Variants in ANKRD54 observed in about 807,000 individuals in gnomAD.
The protein encoded by ANKRD54 is ankyrin repeat domain 54.
Under a neutral mutation model 36.2 loss-of-function variants are expected in ANKRD54, and 26 were observed. The ratio of observed to expected loss-of-function variants is 0.72; its 90% confidence interval spans 0.53 to 1.00. The LOEUF is 1.00. Among genes scored for constraint, ANKRD54 ranks in the 50% least tolerant of loss-of-function variants. ANKRD54 has a pLI of 0.00. For missense variants in ANKRD54, 384 were observed against 424.3 expected (o/e 0.91, Z 0.83); for synonymous variants, 209 against 188.4 (o/e 1.11, Z -0.89).
At position 37,833,016 on chromosome 22, in the gene ANKRD54, T is replaced by G; in HGVS notation, c.662A>C (p.Asn221Thr). The change falls in exon 6 of 8, where the codon AAT becomes ACT. Residue 221 changes from asparagine to threonine, a missense_variant. By Grantham distance (65) the Asn-to-Thr change is moderately conservative. Around this residue, in one of 3 missense-constraint regions of ANKRD54, gnomAD observed 179 missense variants for 224.0 expected, o/e 0.80. Transcript: ENST00000215941. ...CTGGGCATGGCCCTCCTGCAGGATA[T>G]TCAGCTTTGACTTGGCCAGGTGCAG... ...TPLHLAKSKL[N>T]ILQEGHAQCL... The G allele has an allele frequency of 6.2e-7, 1 of 1,614,166 alleles. No individual in the cohort carries two copies. Among genetic ancestry groups the G allele is most frequent in the Non-Finnish European group, 8.5e-7 (1 of 1,180,040 alleles).
intron 3 of ANKRD54, among the ~76,000 whole-genome samples, chr22:37,836,114 G>T (rs920748863): frequency 6.6e-6 from 1 of 150,674 alleles, no homozygotes; most frequent in South Asian, 2.1e-4. Flanking sequence ...GATTACAGGC[G>T]TGAGATACCG....
intron 7 of ANKRD54, among the ~76,000 whole-genome samples, chr22:37,832,336 GTTT>G (rs112298885): frequency 6.8e-6 from 1 of 146,744 alleles, no homozygotes; most frequent in African/African-American, 2.5e-5. Flanking sequence ...CCTTGCTCTG[GTTT>G]TTTTTTTTGT....
chr22:37,838,086 G>C (rs1232495738), intron 3 of ANKRD54, among the ~76,000 whole-genome samples: 1 of 151,780 alleles, frequency 6.6e-6, no homozygotes, highest in Non-Finnish European at 1.5e-5. Context: ...AGTGAACCGA[G>C]ATGGCACCAC....
chr22:37,832,049 A>T (rs1478796934), intron 7 of ANKRD54, 32 bp from the exon 8 acceptor site: 2 of 1,597,550 alleles, frequency 1.3e-6, no homozygotes, highest in Non-Finnish European at 1.7e-6. Context: ...CTGTTATGGG[A>T]CACGGGGTGT....
intron 3 of ANKRD54, 151 bp from the exon 4 acceptor site, chr22:37,833,906 C>CACTT (rs1185226139): frequency 1.3e-5 from 9 of 677,246 alleles, no homozygotes; most frequent in Admixed American, 4.7e-5. Context: ...CTCACTCACT[C>CACTT]ACTTACTTAC....
In ANKRD54 at chr22:37,844,110, C is replaced by A. The variant is rs577258650; in HGVS notation, c.129G>T (p.Gly43=). The part of the protein sequence containing the change: ...AEGLFSFADF[G]SALGGGGAGL... ...CCGCGCCGCCGCCGCCCAGCGCAGA[C>A]CCGAAGTCAGCGAAGGAGAAGAGGC... Residue 43 remains glycine, a synonymous_variant, in exon 1 of 8, where the codon GGG becomes GGT. Coordinates refer to ENST00000215941, the MANE Select transcript of ANKRD54 (RefSeq NM_138797.4). 111 of 1,487,834 alleles carry A rather than the reference C, an allele frequency of 7.5e-5. No individual in the cohort carries two copies. In the South Asian group the frequency reaches 1.3e-3, roughly 18 times the overall value. The allele number at this position is 1,487,834 out of a possible 1,614,324, so 92.2% of individuals were successfully genotyped here. A position where few individuals can be genotyped will look rare whatever the true frequency, so the allele number is the denominator to read the frequency against.
At chr22:37,835,952 G>A (rs1019406422) in intron 3 of ANKRD54, among the ~76,000 whole-genome samples, 1 of 151,936 alleles carries the variant, frequency 6.6e-6, no homozygotes, top group African/African-American at 2.4e-5. Context: ...CCATTCTCCT[G>A]CCTCAGCGAG....
Position 37,844,333 on chromosome 22 carries a change from C to T in ANKRD54, c.-95G>A, listed in dbSNP as rs756196998. The stretch of plus-strand genomic sequence containing the variant: ...CGCCCTGAGTCGTGCTGTCAGCGAG[C>T]TGGCGGGCGGGCAGGGCCCGCAACC... On this transcript the variant is annotated 5_prime_UTR_variant, in exon 1 of 8. Coordinates refer to ENST00000215941, the MANE Select transcript of ANKRD54 (RefSeq NM_138797.4). 1.4e-5 allele frequency: 20 copies of T among 1,411,702 alleles called. No homozygotes were observed. The highest frequency in any genetic ancestry group is 9.0e-5 in the African/African-American group (6 of 66,400). 87.4% of individuals were successfully genotyped at this position (1,411,702 alleles called of 1,614,324 possible).
At chr22:37,840,415 C>T (rs567602767) in intron 1 of ANKRD54, among the ~76,000 whole-genome samples, 181 bp from the exon 2 acceptor site, 3 of 152,048 alleles carry the variant, frequency 2.0e-5, no homozygotes, top group South Asian at 4.2e-4. Context: ...AAAAATTAGC[C>T]GGGCGTGGTG....
chr22:37,834,890 C>T (rs1001003658), intron 3 of ANKRD54, among the ~76,000 whole-genome samples: 1 of 149,564 alleles, frequency 6.7e-6, no homozygotes. Flanking sequence ...TTGAAACTGT[C>T]TGTACTAAAA....
intron 4 of ANKRD54, among the ~76,000 whole-genome samples, 155 bp from the exon 5 acceptor site, chr22:37,833,361 A>T (rs114771665): frequency 0.044 from 6,646 of 152,212 alleles, 476 homozygotes; most frequent in African/African-American, 0.15. Flanking sequence ...AGGACTCAGA[A>T]GTCAAGTTCA....
intron 3 of ANKRD54, among the ~76,000 whole-genome samples, chr22:37,836,974 A>T (rs1484923754): frequency 6.6e-6 from 1 of 151,038 alleles, no homozygotes; most frequent in East Asian, 1.9e-4. Flanking sequence ...GGTTGCAATG[A>T]GCCGAGATCA....
intron 5 of ANKRD54, 24 bp from the exon 6 acceptor site, chr22:37,833,106 C>T: frequency 1.9e-6 from 3 of 1,614,002 alleles, no homozygotes; most frequent in Non-Finnish European, 2.5e-6. Context: ...CTGAGGTGAG[C>T]ATTCTGGGGG....
intron 1 of ANKRD54, among the ~76,000 whole-genome samples, chr22:37,842,332 C>G (rs907833788): frequency 3.9e-5 from 6 of 152,198 alleles, no homozygotes; most frequent in African/African-American, 1.4e-4. Context: ...AAGGCCACAT[C>G]CTCCTGCAAA....
intron 1 of ANKRD54, among the ~76,000 whole-genome samples, chr22:37,842,250 G>A (rs951487678): frequency 8.5e-5 from 13 of 152,106 alleles, no homozygotes; most frequent in Non-Finnish European, 1.3e-4. Flanking sequence ...CGAGACTCTC[G>A]TCTCAAAAAA....
At position 37,831,899 on chromosome 22, in the gene ANKRD54, G is replaced by A. The variant is rs375821454; in HGVS notation, c.*44C>T. The A allele has an allele frequency of 2.3e-5, 36 of 1,596,002 alleles. No individual in the cohort carries two copies. The African/African-American group carries it at 3.9e-4, about 17-fold the overall frequency. On this transcript the variant is annotated 3_prime_UTR_variant, in exon 8 of 8. Coordinates refer to ENST00000215941, the MANE Select transcript of ANKRD54 (RefSeq NM_138797.4). ...TTTTTCTTGGTACTGAGACAGCAGT[G>A]GGGCAGGGTGGGGCAGTGGCAGGAA... is the stretch of plus-strand genomic sequence containing the variant.
chr22:37,837,027 CAAA>C (rs34090289), intron 3 of ANKRD54, among the ~76,000 whole-genome samples: 7 of 75,036 alleles, frequency 9.3e-5, no homozygotes, highest in Admixed American at 3.3e-4. Flanking sequence ...GACTCCGTCT[CAAA>C]AAAAAAAAAA....
chr22:37,839,222 T>C (rs1293362134), intron 2 of ANKRD54, among the ~76,000 whole-genome samples: 1 of 151,784 alleles, frequency 6.6e-6, no homozygotes, highest in Non-Finnish European at 1.5e-5. Flanking sequence ...CTACAGCATG[T>C]GTATATAGCA....
rs8137713 is a variant in ANKRD54 at position 37,834,027 on chromosome 22, A to G, written c.476-272T>C. The stretch of plus-strand genomic sequence containing the variant: ...TGAAGGGTTAAGTAAAGTTCTTCCA[A>G]TAGCAGCTGCTCCTGGTGAAGGCTG... On this transcript the variant is annotated intron_variant, in intron 3 of 7. Coordinates refer to ENST00000215941, the MANE Select transcript of ANKRD54 (RefSeq NM_138797.4). 730 of 403,206 alleles carry G rather than the reference A, an allele frequency of 1.8e-3. 1 individual carries two copies. The highest frequency in any genetic ancestry group is 0.013 in the African/African-American group (678 of 50,536). The allele number at this position is 403,206 out of a possible 1,614,324, so 25.0% of individuals were successfully genotyped here.
Sources: allele counts gnomAD v4.1 joint callset (sites outside exome capture counted in the v4.1 genomes callset), GRCh38; gene constraint gnomAD v4.1.1; regional missense constraint gnomAD v4.1.1; transcripts MANE v1.5; gene names NCBI Gene and HGNC (gene_info 2026-07-23, HGNC 2026-07-21).